TMEM117: variants seen among roughly 807,000 people sequenced by gnomAD.
TMEM117 encodes the protein transmembrane protein 117.
TMEM117 carries 27 observed loss-of-function variants against 52.4 expected under a neutral mutation model. That is an observed-to-expected ratio of 0.51 (90% CI 0.38 to 0.71). The LOEUF (loss-of-function observed/expected upper bound fraction) is 0.71, where lower values mean the gene tolerates loss of function less well. TMEM117 is among the 30% of genes least tolerant of loss of function. TMEM117 has a pLI of 0.00. For synonymous variants in TMEM117, 215 were observed against 206.3 expected (o/e 1.04, Z -0.36); for missense variants, 556 against 630.5 (o/e 0.88, Z 1.26).
chr12:44,029,909 G>A (rs1316642416), intron 3 of TMEM117, among the ~76,000 whole-genome samples: 1 of 152,214 alleles, frequency 6.6e-6, no homozygotes, highest in African/African-American at 2.4e-5. Flanking sequence ...TTGGGAGCTT[G>A]ACCTTGTAAC....
upstream of TMEM117, among the ~76,000 whole-genome samples, chr12:43,833,934 A>T (rs1229972563): frequency 6.7e-6 from 1 of 150,038 alleles, no homozygotes; most frequent in Non-Finnish European, 1.5e-5. Context: ...CTCTACAAAA[A>T]ATACAAAAAT....
intron 3 of TMEM117, among the ~76,000 whole-genome samples, chr12:44,126,851 A>C (rs1948333888): frequency 6.6e-6 from 1 of 152,264 alleles, no homozygotes; most frequent in Non-Finnish European, 1.5e-5. Flanking sequence ...GCAAGCAGAA[A>C]GTTGATGCTT....
intron 6 of TMEM117, among the ~76,000 whole-genome samples, chr12:44,312,421 T>G (rs958042995): frequency 2.6e-5 from 4 of 151,716 alleles, no homozygotes; most frequent in South Asian, 4.1e-4. Context: ...TGAATCTATG[T>G]TGCTGCAAAG....
At chr12:43,847,230 A>G (rs1943225847) in intron 2 of TMEM117, among the ~76,000 whole-genome samples, 1 of 152,190 alleles carries the variant, frequency 6.6e-6, no homozygotes, top group Non-Finnish European at 1.5e-5. Flanking sequence ...GTGGTCTGGG[A>G]CTTAAGACAC....
the TMEM117 span, chr12:43,800,325 C>T: frequency 1.4e-6 from 1 of 724,284 alleles, no homozygotes; most frequent in Non-Finnish European, 2.3e-6. Flanking sequence ...TTCTCTTATT[C>T]TCATGTTTTC....
chr12:43,879,968 G>C (rs1943867550), intron 2 of TMEM117, among the ~76,000 whole-genome samples: 1 of 152,134 alleles, frequency 6.6e-6, no homozygotes, highest in Non-Finnish European at 1.5e-5. Flanking sequence ...AAGGAAATCT[G>C]TTTCTACCAA....
At chr12:44,225,353 C>CT (rs2138436386) in intron 5 of TMEM117, among the ~76,000 whole-genome samples, 1 of 152,248 alleles carries the variant, frequency 6.6e-6, no homozygotes, top group South Asian at 2.1e-4. Flanking sequence ...TTAAAATGTA[C>CT]TTGGCATACA....
At chr12:44,331,309 A>C (rs1951268173) in intron 6 of TMEM117, among the ~76,000 whole-genome samples, 1 of 152,042 alleles carries the variant, frequency 6.6e-6, no homozygotes, top group Non-Finnish European at 1.5e-5. Context: ...ACTACAAAGT[A>C]AATAAAGCAA....
intron 6 of TMEM117, among the ~76,000 whole-genome samples, chr12:44,322,845 A>G (rs840763): frequency 0.022 from 3,375 of 152,148 alleles, 144 homozygotes; most frequent in African/African-American, 0.077. Context: ...AAAGATACTC[A>G]TACCCTACTC....
chr12:43,891,909 A>G (rs1944112972), intron 2 of TMEM117, among the ~76,000 whole-genome samples: 1 of 152,120 alleles, frequency 6.6e-6, no homozygotes, highest in East Asian at 1.9e-4. Context: ...TGGAAAATAT[A>G]CTTTAAAAAA....
chr12:43,808,233 C>G, the TMEM117 span, among the ~76,000 whole-genome samples: 7,645 of 152,314 alleles, frequency 0.05, 250 homozygotes, highest in Middle Eastern at 0.14. Flanking sequence ...TAAGATCTCT[C>G]TGCTTGTGCA....
At chr12:43,934,564 A>G (rs983963400) in intron 2 of TMEM117, among the ~76,000 whole-genome samples, 1 of 152,258 alleles carries the variant, frequency 6.6e-6, no homozygotes. Flanking sequence ...TGAACACACT[A>G]TTATTCATGC....
chr12:43,819,401 C>T, the TMEM117 span, among the ~76,000 whole-genome samples: 7 of 152,098 alleles, frequency 4.6e-5, no homozygotes, highest in African/African-American at 1.4e-4. Flanking sequence ...ATTGCATTTC[C>T]CCTTATGGTA....
At chr12:43,953,125 GC>G (rs1164264098) in intron 3 of TMEM117, among the ~76,000 whole-genome samples, 30 of 151,796 alleles carry the variant, frequency 2.0e-4, no homozygotes, top group Non-Finnish European at 4.0e-4. Flanking sequence ...GGCCTGTCTT[GC>G]ATATTTAGTG....
At chr12:43,831,741 A>G (rs1281754011), upstream of TMEM117, among the ~76,000 whole-genome samples, 1 of 152,032 alleles carries the variant, frequency 6.6e-6, no homozygotes, top group African/African-American at 2.4e-5. Flanking sequence ...ATGGGGTTTC[A>G]CCATATTGGC....
chr12:44,362,431 A>G (rs1184411274), intron 6 of TMEM117, among the ~76,000 whole-genome samples: 1 of 152,196 alleles, frequency 6.6e-6, no homozygotes. Flanking sequence ...TATTCAAACT[A>G]TAAACCCCAT....
chr12:43,849,633 T>C (rs541875582), intron 2 of TMEM117, among the ~76,000 whole-genome samples: 1 of 152,284 alleles, frequency 6.6e-6, no homozygotes, highest in East Asian at 1.9e-4. Flanking sequence ...TCTCTCTCTT[T>C]TTTTTTTACT....
chr12:44,231,391 G>T (rs569074151), intron 5 of TMEM117, among the ~76,000 whole-genome samples: 1 of 151,528 alleles, frequency 6.6e-6, no homozygotes, highest in Admixed American at 6.6e-5. Flanking sequence ...CTCTCGATGG[G>T]CATTTTAGCT....
chr12:43,895,398 C>T (rs1944181565), intron 2 of TMEM117, among the ~76,000 whole-genome samples: 1 of 152,150 alleles, frequency 6.6e-6, no homozygotes, highest in Non-Finnish European at 1.5e-5. Context: ...CAGTCTATCA[C>T]TGACGCGCAT....
Sources: gnomAD v4.1 joint callset for allele counts (sites outside exome capture counted in the v4.1 genomes callset) on GRCh38, gnomAD v4.1.1 for gene constraint, MANE v1.5 for transcripts, NCBI Gene and HGNC (gene_info 2026-07-23, HGNC 2026-07-21) for gene names.